MAGT1: variants seen among roughly 807,000 people sequenced by gnomAD.
MAGT1 encodes the protein dolichyl-diphosphooligosaccharide--protein glycosyltransferase subunit MAGT1.
Under a neutral mutation model 28.4 loss-of-function variants are expected in MAGT1, and 4 were observed. That is an observed-to-expected ratio of 0.14 (90% CI 0.07 to 0.32). The LOEUF (loss-of-function observed/expected upper bound fraction) is 0.32, where lower values mean the gene tolerates loss of function less well. MAGT1 is among the 10% of genes least tolerant of loss of function. The pLI is 1.00. For missense variants in MAGT1, 193 were observed against 264.5 expected, an observed-to-expected ratio of 0.73 and a Z score of 1.88; for synonymous variants, 89 against 89.7, an observed-to-expected ratio of 0.99 and a Z score of 0.04.
intron 7 of MAGT1, among the ~76,000 whole-genome samples, chrX:77,849,087 T>C (rs75686492): frequency 9.2e-6 from 1 of 109,091 alleles, no homozygotes; most frequent in Non-Finnish European, 1.9e-5. Context: ...TTTTTTTTTT[T>C]TTATTTTGAG....
rs2076887661 is a variant in MAGT1 at position 77,827,877 on chromosome X, TGGG to T, written c.*1340_*1342del. 3 of 111,757 alleles carry T rather than the reference TGGG, an allele frequency of 2.7e-5. No homozygotes were observed. Among genetic ancestry groups the T allele is most frequent in the Non-Finnish European group, 5.6e-5 (3 of 53,179 alleles). The allele number at this position is 111,757 out of a possible 1,213,427, so 9.2% of individuals were successfully genotyped here. On this transcript the variant is annotated 3_prime_UTR_variant, in exon 10 of 10. Coordinates refer to ENST00000618282, the MANE Select transcript of MAGT1 (RefSeq NM_001367916.1). ...CACTAAGCTATATTTTTATCACAGA[TGGG>T]TCACCTTAAAAGAAAACTAAGGAGA...
intron 8 of MAGT1, among the ~76,000 whole-genome samples, chrX:77,834,941 C>A (rs912144287): frequency 9.3e-5 from 10 of 107,685 alleles, no homozygotes; most frequent in Non-Finnish European, 1.5e-4. Flanking sequence ...ATGATCTGAT[C>A]GAAAAAACAT....
chrX:77,895,539 A>G (rs1557219881), upstream of MAGT1: 1 of 1,105,105 alleles, frequency 9.0e-7, no homozygotes, highest in Non-Finnish European at 1.2e-6. Flanking sequence ...GAGACCCCTC[A>G]CATTACGTCA....
chrX:77,845,494 T>C (rs1272605368), intron 7 of MAGT1, among the ~76,000 whole-genome samples: 1 of 111,733 alleles, frequency 8.9e-6, no homozygotes, highest in Non-Finnish European at 1.9e-5. Context: ...TGTTAGCTGG[T>C]TATTTTGCTC....
intron 7 of MAGT1, 95 bp from the exon 8 acceptor site, chrX:77,841,415 T>A: frequency 1.6e-6 from 1 of 624,666 alleles, no homozygotes; most frequent in Non-Finnish European, 2.7e-6. Flanking sequence ...AAAATGAATA[T>A]ATAAACCTTC....
At chrX:77,875,928 C>T (rs2077032193) in intron 1 of MAGT1, among the ~76,000 whole-genome samples, 1 of 108,618 alleles carries the variant, frequency 9.2e-6, no homozygotes, top group African/African-American at 3.4e-5. Flanking sequence ...ACCTCCTGGC[C>T]TCAAGGGATC....
In MAGT1 at chrX:77,826,927, C is replaced by A. The variant is rs2076884147; in HGVS notation, c.*2293G>T. ...TAAAAGGTCAACCATATCCCCTCAT[C>A]CATGAAATCTAGTAACGAAAAACAA... is the stretch of plus-strand genomic sequence containing the variant. On this transcript the variant is annotated 3_prime_UTR_variant, in exon 10 of 10. Transcript: ENST00000618282. The A allele has an allele frequency of 9.0e-6, 1 of 111,709 alleles. No homozygotes were observed. Among genetic ancestry groups the A allele is most frequent in the Non-Finnish European group, 1.9e-5 (1 of 53,188 alleles). 9.2% of individuals were successfully genotyped at this position (111,709 alleles called of 1,213,427 possible).
At chrX:77,853,054 ATC>A (rs1557215665) in intron 7 of MAGT1, among the ~76,000 whole-genome samples, 1 of 112,101 alleles carries the variant, frequency 8.9e-6, no homozygotes, top group African/African-American at 3.2e-5. Context: ...ATTCTTACTT[ATC>A]TGACATCGCT....
intron 7 of MAGT1, among the ~76,000 whole-genome samples, chrX:77,845,460 T>C (rs2076948579): frequency 8.9e-6 from 1 of 111,778 alleles, no homozygotes. Context: ...AATATTGTTA[T>C]GTGTGAATTT....
intron 7 of MAGT1, among the ~76,000 whole-genome samples, chrX:77,853,143 T>G (rs1557215675): frequency 8.9e-6 from 1 of 111,992 alleles, no homozygotes; most frequent in African/African-American, 3.2e-5. Flanking sequence ...GCCAAGAAAG[T>G]AAAAATATTC....
intron 3 of MAGT1, among the ~76,000 whole-genome samples, chrX:77,865,397 C>G (rs1194277495): frequency 6.3e-5 from 7 of 110,891 alleles, no homozygotes; most frequent in African/African-American, 2.3e-4. Flanking sequence ...TCAAGCCATT[C>G]TCCTGCCTCA....
rs2076891367 is a variant in MAGT1, at chrX:77,829,215, C to T, written c.*5G>A. 4 of 1,195,937 alleles carry T rather than the reference C, an allele frequency of 3.3e-6. No homozygotes were observed. The highest frequency in any genetic ancestry group is 2.2e-5 in the Admixed American group (1 of 45,540). ...CTCCAGTGTCTATATATCTCTGGGA[C>T]CTTTTTAACTCATCAGAAAGCTGAA... On this transcript the variant is annotated 3_prime_UTR_variant, in exon 10 of 10. Transcript: ENST00000618282.
intron 1 of MAGT1, among the ~76,000 whole-genome samples, chrX:77,879,615 T>C (rs781994236): frequency 9.0e-6 from 1 of 110,844 alleles, no homozygotes; most frequent in South Asian, 3.8e-4. Flanking sequence ...GACTATTAGC[T>C]ACAAGAGAAC....
intron 6 of MAGT1, among the ~76,000 whole-genome samples, chrX:77,854,806 G>T (rs1188682495): frequency 9.0e-6 from 1 of 111,507 alleles, no homozygotes; most frequent in African/African-American, 3.3e-5. Context: ...AAGTGTACAA[G>T]ACCATGAGGT....
intron 2 of MAGT1, among the ~76,000 whole-genome samples, chrX:77,871,656 A>G (rs2077020606): frequency 9.0e-6 from 1 of 111,528 alleles, no homozygotes; most frequent in Non-Finnish European, 1.9e-5. Flanking sequence ...AGCCTGGCCA[A>G]TATGGTGAAA....
intron 1 of MAGT1, among the ~76,000 whole-genome samples, chrX:77,892,992 C>T (rs782406826): frequency 2.7e-4 from 30 of 110,622 alleles, no homozygotes; most frequent in Admixed American, 2.1e-3. Context: ...GGCATATAAA[C>T]AAGGACAATA....
chrX:77,895,219 G>A, intron 1 of MAGT1, 90 bp downstream of exon 1: 4 of 1,002,916 alleles, frequency 4.0e-6, no homozygotes, highest in Non-Finnish European at 5.6e-6. Flanking sequence ...CATAGAAGCG[G>A]CAGGGAAAGG....
intron 1 of MAGT1, among the ~76,000 whole-genome samples, chrX:77,882,950 C>G (rs1483774463): frequency 9.7e-6 from 1 of 102,802 alleles, no homozygotes; most frequent in Non-Finnish European, 2.0e-5. Flanking sequence ...GCGGGGACAA[C>G]AGAGCAATAC....
chrX:77,876,176 T>A (rs2077034533), intron 1 of MAGT1, among the ~76,000 whole-genome samples: 3 of 78,858 alleles, frequency 3.8e-5, no homozygotes, highest in African/African-American at 1.5e-4. Flanking sequence ...TTTTTTTTTT[T>A]TTTTTTTTTT....
Sources: allele counts gnomAD v4.1 joint callset (sites outside exome capture counted in the v4.1 genomes callset), GRCh38; gene constraint gnomAD v4.1.1; transcripts MANE v1.5; gene names NCBI Gene and HGNC (gene_info 2026-07-23, HGNC 2026-07-21).